The following PDZD2 variants were observed in gnomAD, a reference collection of about 807,000 sequenced individuals.
The protein encoded by PDZD2 is PDZ domain containing 2.
In PDZD2, 90 loss-of-function variants were observed where a neutral mutation model predicts 220.7. The observed-to-expected ratio is 0.41, with a 90% CI of 0.34 to 0.49. The LOEUF (loss-of-function observed/expected upper bound fraction) is 0.49, where lower values mean the gene tolerates loss of function less well. PDZD2 is among the 20% of genes least tolerant of loss of function. PDZD2 has a pLI of 0.28. For synonymous variants in PDZD2, 1,375 were observed against 1,450.5 expected (o/e 0.95, Z 1.18); for missense variants, 3,174 against 3,608.5 (o/e 0.88, Z 3.08).
chr5:31,779,229 C>A (rs1416650247), intron 1 of PDZD2, among the ~76,000 whole-genome samples: 1 of 152,154 alleles, frequency 6.6e-6, no homozygotes, highest in African/African-American at 2.4e-5. Context: ...CCTGTTGCAT[C>A]AACATACCAC....
Position 31,650,116 on chromosome 5 carries a change from T to C in PDZD2, c.-361+10679T>C, listed in dbSNP as rs572334129. Reference sequence around the variant, plus strand: ...GTATATTTCTTCCCTCTGTTAATAATCTGAGTGAGTATATTTCTTCCCTGT... The same window carrying C: ...GTATATTTCTTCCCTCTGTTAATAACCTGAGTGAGTATATTTCTTCCCTGT... On this transcript the variant is annotated intron_variant, in intron 1 of 24. Transcript: ENST00000438447. Among the ~76,000 whole-genome samples the C allele has an allele frequency of 1.8e-4, 28 of 152,204 alleles. No individual in the cohort carries two copies. The South Asian group carries it at 5.8e-3, about 32-fold the overall frequency.
intron 2 of PDZD2, chr5:31,908,960 T>C: frequency 3.1e-6 from 1 of 326,618 alleles, no homozygotes; most frequent in Admixed American, 4.3e-5. Flanking sequence ...GGTGGGAGAA[T>C]TGCTGAACCC....
intron 6 of PDZD2, among the ~76,000 whole-genome samples, chr5:32,013,785 C>T (rs867415883): frequency 7.2e-5 from 11 of 152,320 alleles, no homozygotes; most frequent in Admixed American, 2.6e-4. Context: ...CCTCCGCCTC[C>T]CTCCCCTTCT....
intron 1 of PDZD2, among the ~76,000 whole-genome samples, chr5:31,745,809 A>ATT (rs59613880): frequency 0.027 from 3,919 of 143,136 alleles, 86 homozygotes; most frequent in African/African-American, 0.056. Flanking sequence ...CATGTAAATG[A>ATT]TTTTTTTTTT....
At chr5:31,672,316 G>A (rs193298977) in intron 1 of PDZD2, among the ~76,000 whole-genome samples, 1 of 152,302 alleles carries the variant, frequency 6.6e-6, no homozygotes, top group East Asian at 1.9e-4. Flanking sequence ...AGCTGCTACA[G>A]CCAATTGGTG....
At chr5:31,847,666 A>G in intron 2 of PDZD2, 1 of 611,198 alleles carries the variant, frequency 1.6e-6, no homozygotes, top group South Asian at 1.4e-5. Context: ...TGTGGAAAGC[A>G]TTGATGGCCA....
At chr5:31,857,373 T>C (rs1156648038) in intron 2 of PDZD2, among the ~76,000 whole-genome samples, 1 of 152,140 alleles carries the variant, frequency 6.6e-6, no homozygotes, top group East Asian at 1.9e-4. Context: ...TCCCGTGTGT[T>C]TTAGACCCCA....
At chr5:32,008,339 G>A (rs2112068168) in intron 5 of PDZD2, among the ~76,000 whole-genome samples, 1 of 148,968 alleles carries the variant, frequency 6.7e-6, no homozygotes, top group South Asian at 2.1e-4. Flanking sequence ...TGTTGCCCAG[G>A]CTACAGTCTC....
chr5:32,082,321 C>G (rs980144832), intron 19 of PDZD2, among the ~76,000 whole-genome samples: 2 of 152,018 alleles, frequency 1.3e-5, no homozygotes, highest in African/African-American at 4.8e-5. Context: ...TGCGCCTAGC[C>G]AAAACATATC....
chr5:31,992,913 C>T (rs898553286), intron 3 of PDZD2, among the ~76,000 whole-genome samples: 4 of 151,004 alleles, frequency 2.6e-5, no homozygotes, highest in Non-Finnish European at 4.4e-5. Flanking sequence ...GCCGTGAGGC[C>T]GCCACAGGGC....
At position 32,090,972 on chromosome 5, in the gene PDZD2, G is replaced by A. The variant is rs1743090662; in HGVS notation, c.7524G>A (p.Val2508=). The change falls in exon 20 of 25, where the codon GTG becomes GTA. Residue 2508 remains valine, a synonymous_variant. Transcript: ENST00000438447. The surrounding 1 kb of genome is among the most constrained non-coding windows in gnomAD (Gnocchi z 4.3). ...ATTACTCAGCAGGGCCGAGCGCCGT[G>A]CTCTTCAAAACTGAGCTGGAGATCA... The part of the protein sequence containing the change: ...SEDYSAGPSA[V]LFKTELEITP... 1 of 1,613,808 alleles carries A rather than the reference G, an allele frequency of 6.2e-7. No individual in the cohort carries two copies. Among genetic ancestry groups the A allele is most frequent in the Non-Finnish European group, 8.5e-7 (1 of 1,180,024 alleles).
At chr5:31,770,365 C>T (rs902716082) in intron 1 of PDZD2, among the ~76,000 whole-genome samples, 1 of 152,102 alleles carries the variant, frequency 6.6e-6, no homozygotes, top group African/African-American at 2.4e-5. Flanking sequence ...ATAGGATTCC[C>T]CATATGTGCT....
At chr5:31,676,568 CTTTT>C (rs778418372) in intron 1 of PDZD2, among the ~76,000 whole-genome samples, 4 of 136,368 alleles carry the variant, frequency 2.9e-5, no homozygotes, top group Non-Finnish European at 4.7e-5. Flanking sequence ...TTTGCTTTCT[CTTTT>C]TTTTTTTTTT....
At chr5:31,862,088 G>GTT (rs1211203731) in intron 2 of PDZD2, among the ~76,000 whole-genome samples, 1 of 108,494 alleles carries the variant, frequency 9.2e-6, no homozygotes, top group Non-Finnish European at 1.9e-5. Context: ...TAGACTCAAT[G>GTT]TTTTTTTTTT....
At chr5:32,038,962 C>A (rs546139159) in intron 7 of PDZD2, among the ~76,000 whole-genome samples, 8 of 152,332 alleles carry the variant, frequency 5.3e-5, no homozygotes, top group African/African-American at 1.9e-4. Flanking sequence ...CGTTAACGTT[C>A]AAAAAACATT....
chr5:31,743,375 C>A (rs563126617), intron 1 of PDZD2, among the ~76,000 whole-genome samples: 1 of 152,024 alleles, frequency 6.6e-6, no homozygotes, highest in South Asian at 2.1e-4. Flanking sequence ...AGGTATTCGC[C>A]ATGTTGCCCA....
rs1742704376 is a variant in PDZD2, at chr5:32,088,147, G to C, written c.4699G>C (p.Glu1567Gln). Residue 1567 changes from glutamate to glutamine, a missense_variant, in exon 20 of 25, where the codon GAA becomes CAA. Coordinates refer to ENST00000438447, the MANE Select transcript of PDZD2 (RefSeq NM_178140.4). This position sits in a 1 kb window ranked among gnomAD's most constrained non-coding sequence, Gnocchi z 4.6. ...DSSSDPESLT[E>Q]APRASARDGW... is the part of the protein sequence containing the mutation. The stretch of plus-strand genomic sequence containing the variant: ...TTCTTCTGACCCTGAGTCACTCACT[G>C]AAGCCCCACGAGCTTCTGCCAGGGA... The C allele has an allele frequency of 1.2e-6, 2 of 1,614,052 alleles. No homozygotes were observed. The highest frequency in any genetic ancestry group is 2.7e-5 in the African/African-American group (2 of 74,906).
At chr5:31,747,778 G>A (rs946286851) in intron 1 of PDZD2, 2 of 152,600 alleles carry the variant, frequency 1.3e-5, no homozygotes, top group African/African-American at 2.4e-5. Context: ...GTGAATTGCT[G>A]TGCCACTGGA....
chr5:31,744,628 T>C (rs1453272039), intron 1 of PDZD2, among the ~76,000 whole-genome samples: 1 of 152,210 alleles, frequency 6.6e-6, no homozygotes, highest in Non-Finnish European at 1.5e-5. Flanking sequence ...CAGGAAAGAA[T>C]CTCACTGTAA....
Sources: gnomAD v4.1 joint callset for allele counts (sites outside exome capture counted in the v4.1 genomes callset) on GRCh38, gnomAD v4.1.1 for gene constraint, Gnocchi (gnomAD v3.1) non-coding constraint, MANE v1.5 for transcripts, NCBI Gene and HGNC (gene_info 2026-07-23, HGNC 2026-07-21) for gene names.